The following ANXA6 variants were observed in gnomAD, a reference collection of about 807,000 sequenced individuals.
The protein encoded by ANXA6 is 67 kDa calelectrin.
ANXA6 carries 71 observed loss-of-function variants against 95.4 expected under a neutral mutation model. The observed-to-expected ratio is 0.74, with a 90% CI of 0.61 to 0.91. ANXA6 has a LOEUF of 0.91. ANXA6 is among the 40% of genes least tolerant of loss of function. The pLI is 0.00. For missense variants in ANXA6, 830 were observed against 876.4 expected, an observed-to-expected ratio of 0.95 and a Z score of 0.67; for synonymous variants, 289 against 315.9, an observed-to-expected ratio of 0.91 and a Z score of 0.90.
intron 2 of ANXA6, 103 bp downstream of exon 2, chr5:151,147,781 A>G: frequency 7.6e-7 from 1 of 1,308,656 alleles, no homozygotes; most frequent in South Asian, 1.3e-5. Context: ...CCTTTTTTCA[A>G]GCTGAAGGTA....
chr5:151,117,814 C>T lies in ANXA6; in HGVS notation c.1462G>A (p.Ala488Thr). 1 of 1,613,736 alleles carries T rather than the reference C, an allele frequency of 6.2e-7. No homozygotes were observed. The highest frequency in any genetic ancestry group is 8.5e-7 in the Non-Finnish European group (1 of 1,179,706). ...KEDYHKSLEDALSSDTSGHFR... is the reference protein window; with the variant it reads ...KEDYHKSLEDTLSSDTSGHFR... ...TGGCCAGATGTGTCTGAGCTCAGAG[C>T]ATCCTCCAGGGACTTGTGATAGTCT... The change falls in exon 19 of 26, where the codon GCT becomes ACT. Residue 488 changes from alanine to threonine, a missense_variant. By Grantham distance (58) the Ala-to-Thr change is moderately conservative. Transcript: ENST00000354546.
chr5:151,149,028 A>T (rs1224845249), intron 1 of ANXA6, among the ~76,000 whole-genome samples: 9 of 151,904 alleles, frequency 5.9e-5, no homozygotes, highest in Admixed American at 2.6e-4. Flanking sequence ...AAAATAAAAA[A>T]AAAATAGCTG....
chr5:151,137,135 G>A, intron 6 of ANXA6, 96 bp downstream of exon 6: 1 of 1,018,052 alleles, frequency 9.8e-7, no homozygotes, highest in Admixed American at 2.1e-5. Context: ...GAAAGGAGGA[G>A]AGAAGGTAGA....
chr5:151,148,458 G>A (rs1700408779), intron 1 of ANXA6, among the ~76,000 whole-genome samples: 2 of 152,158 alleles, frequency 1.3e-5, no homozygotes, highest in African/African-American at 4.8e-5. Context: ...CTGCAGATAG[G>A]ACTCAAAGTG....
chr5:151,150,312 G>T (rs1046311618), intron 1 of ANXA6, among the ~76,000 whole-genome samples: 5 of 152,108 alleles, frequency 3.3e-5, no homozygotes, highest in African/African-American at 9.7e-5. Flanking sequence ...GCTCATTTTT[G>T]AGTTCAAGGT....
intron 20 of ANXA6, among the ~76,000 whole-genome samples, chr5:151,113,758 G>C (rs981470592): frequency 1.3e-5 from 2 of 152,188 alleles, no homozygotes; most frequent in African/African-American, 4.8e-5. Context: ...TAAACTTAGA[G>C]TTCTCATATG....
At chr5:151,125,397 A>C (rs769421974) in intron 14 of ANXA6, among the ~76,000 whole-genome samples, 1 of 152,080 alleles carries the variant, frequency 6.6e-6, no homozygotes, top group Non-Finnish European at 1.5e-5. Context: ...ACTACCATGA[A>C]TTAGGAAGTT....
rs1764766182 is a variant in ANXA6, at chr5:151,108,662, G to A, written c.1685-112C>T. 2.5e-5 allele frequency: 22 copies of A among 896,930 alleles called. No homozygotes were observed. In the South Asian group the frequency reaches 2.8e-4, roughly 11 times the overall value. The allele number at this position is 896,930 out of a possible 1,614,324, so 55.6% of individuals were successfully genotyped here. A position where few individuals can be genotyped will look rare whatever the true frequency, so the allele number is the denominator to read the frequency against. ...ACAGGCTGTGCCTGAGAAAGTGGAA[G>A]GGCAGCAAATATGGCCACAGCCCAG... is the stretch of plus-strand genomic sequence containing the variant. On this transcript the variant is annotated intron_variant, in intron 22 of 25. Coordinates refer to ENST00000354546, the MANE Select transcript of ANXA6 (RefSeq NM_001155.5).
At chr5:151,149,170 G>C (rs374790131) in intron 1 of ANXA6, among the ~76,000 whole-genome samples, 17 of 99,730 alleles carry the variant, frequency 1.7e-4, no homozygotes, top group African/African-American at 7.0e-4. Flanking sequence ...GACAGGGCAA[G>C]CCCTGTCTCA....
intron 1 of ANXA6, among the ~76,000 whole-genome samples, chr5:151,157,182 T>G (rs1045090428): frequency 1.3e-5 from 2 of 152,214 alleles, no homozygotes; most frequent in Non-Finnish European, 2.9e-5. Context: ...TTCAGCTCTC[T>G]GCACGCAGGC....
intron 12 of ANXA6, 91 bp downstream of exon 12, chr5:151,129,316 G>A: frequency 1.3e-6 from 2 of 1,521,046 alleles, no homozygotes; most frequent in South Asian, 1.2e-5. Context: ...CACTTCCTAG[G>A]ACATTTCCTT....
chr5:151,119,348 T>A lies in ANXA6; in HGVS notation c.1390A>T (p.Thr464Ser). ...DEKALIEILA[T>S]RTNAEIRAIN... ...GCCCGGATTTCAGCATTGGTCCGAGTGGCCAGGATTTCAATAAGAGCCTTT... is the reference window on the plus strand; with the variant it reads ...GCCCGGATTTCAGCATTGGTCCGAGAGGCCAGGATTTCAATAAGAGCCTTT... Residue 464 changes from threonine (T) to serine (S), a missense_variant, in exon 18 of 26, where the codon ACT (threonine) becomes TCT (serine). By Grantham distance (58) the Thr-to-Ser change is moderately conservative. Coordinates refer to ENST00000354546, the MANE Select transcript of ANXA6 (RefSeq NM_001155.5). 1 of 1,613,700 alleles carries A rather than the reference T, an allele frequency of 6.2e-7. No homozygotes were observed. Among genetic ancestry groups the A allele is most frequent in the Non-Finnish European group, 8.5e-7 (1 of 1,179,866 alleles).
At chr5:151,123,490 T>C (rs1765227816) in intron 15 of ANXA6, among the ~76,000 whole-genome samples, 2 of 152,228 alleles carry the variant, frequency 1.3e-5, no homozygotes, top group Admixed American at 1.3e-4. Flanking sequence ...CACAGCAGGT[T>C]GACTCTGGAA....
intron 1 of ANXA6, among the ~76,000 whole-genome samples, chr5:151,152,961 G>GA (rs1373973195): frequency 6.6e-6 from 1 of 152,004 alleles, no homozygotes; most frequent in Non-Finnish European, 1.5e-5. Flanking sequence ...GGTGATTTGA[G>GA]AAAAAAGAAA....
intron 1 of ANXA6, chr5:151,155,701 C>T (rs11750621): frequency 0.16 from 25,083 of 152,200 alleles, 2,562 homozygotes; most frequent in Non-Finnish European, 0.22. Flanking sequence ...CCCAGAAAAT[C>T]CTAGAATGGT....
intron 1 of ANXA6, among the ~76,000 whole-genome samples, chr5:151,151,837 C>T (rs956294939): frequency 2.0e-5 from 3 of 152,214 alleles, no homozygotes; most frequent in African/African-American, 7.2e-5. Context: ...CAGACCTGTG[C>T]CTCTTTCCTC....
intron 23 of ANXA6, among the ~76,000 whole-genome samples, chr5:151,105,608 C>A (rs1042206749): frequency 6.6e-6 from 1 of 152,156 alleles, no homozygotes; most frequent in African/African-American, 2.4e-5. Context: ...CACGGGGCCT[C>A]AAATTTTTAA....
chr5:151,126,571 C>CACA, intron 13 of ANXA6, 91 bp from the exon 14 acceptor site: 20 of 912,752 alleles, frequency 2.2e-5, no homozygotes, highest in South Asian at 2.9e-5. Flanking sequence ...CACACACACA[C>CACA]CCCAACACAT....
chr5:151,111,340 G>T (rs533776875), intron 20 of ANXA6, among the ~76,000 whole-genome samples: 74 of 152,326 alleles, frequency 4.9e-4, no homozygotes, highest in Admixed American at 1.9e-3. Context: ...CCTAGGCTGC[G>T]TATTGCTTTC....
Sources: gnomAD v4.1 joint callset for allele counts (sites outside exome capture counted in the v4.1 genomes callset) on GRCh38, gnomAD v4.1.1 for gene constraint, MANE v1.5 for transcripts, NCBI Gene and HGNC (gene_info 2026-07-23, HGNC 2026-07-21) for gene names.